The following SOD2 variants were observed in gnomAD, a reference collection of about 807,000 sequenced individuals.
The protein encoded by SOD2 is superoxide dismutase [Mn], mitochondrial.
In SOD2, 11 loss-of-function variants were observed where a neutral mutation model predicts 27.0. The ratio of observed to expected loss-of-function variants is 0.41; its 90% confidence interval spans 0.26 to 0.67. SOD2 has a LOEUF of 0.67. Among genes scored for constraint, SOD2 ranks in the 30% least tolerant of loss-of-function variants. The pLI, the probability that SOD2 is intolerant of heterozygous loss-of-function variation, is 0.34. For missense variants in SOD2, 250 were observed against 274.5 expected, an observed-to-expected ratio of 0.91 and a Z score of 0.63; for synonymous variants, 105 against 103.0, an observed-to-expected ratio of 1.02 and a Z score of -0.12.
chr6:159,729,603 A>C (rs1778442671), upstream of SOD2, among the ~76,000 whole-genome samples: 1 of 152,212 alleles, frequency 6.6e-6, no homozygotes, highest in African/African-American at 2.4e-5. Flanking sequence ...ATTGTGCTGA[A>C]AGCATTAATA....
chr6:159,693,655 CG>C (rs1026560888), upstream of SOD2, among the ~76,000 whole-genome samples: 7 of 152,274 alleles, frequency 4.6e-5, no homozygotes, highest in East Asian at 1.4e-3. Context: ...GTTGCGCTGC[CG>C]GGGGGCCGCG....
chr6:159,731,890 A>G (rs1241708604), upstream of SOD2, among the ~76,000 whole-genome samples: 3 of 152,208 alleles, frequency 2.0e-5, no homozygotes, highest in Non-Finnish European at 4.4e-5. Context: ...ATGCCCTTTA[A>G]AAACAGATTA....
exon 1 of SOD2, chr6:159,761,959 T>A: frequency 9.3e-7 from 1 of 1,080,158 alleles, no homozygotes; most frequent in Non-Finnish European, 1.4e-6. Flanking sequence ...GGGGAGGTGG[T>A]GCGCGGGGAG....
At chr6:159,748,084 A>C, upstream of SOD2, 7 of 1,329,356 alleles carry the variant, frequency 5.3e-6, no homozygotes, top group Non-Finnish European at 7.2e-6. This position sits in a 1 kb window ranked among gnomAD's most constrained non-coding sequence, Gnocchi z 5.6. Flanking sequence ...AGAGGGGAGG[A>C]GCTTAATGAA....
chr6:159,743,738 A>G (rs769679298), intron 1 of SOD2: 1 of 1,613,754 alleles, frequency 6.2e-7, no homozygotes, highest in South Asian at 1.1e-5. Flanking sequence ...CACGCAGGGA[A>G]AACATCCTTG....
chr6:159,744,784 A>T (rs1286283329), intron 1 of SOD2, among the ~76,000 whole-genome samples: 1 of 152,066 alleles, frequency 6.6e-6, no homozygotes, highest in Admixed American at 6.6e-5. Flanking sequence ...CAGTGGTGTA[A>T]TCACACCTCA....
At chr6:159,739,996 G>T (rs563625503) in intron 1 of SOD2, among the ~76,000 whole-genome samples, 74 of 150,920 alleles carry the variant, frequency 4.9e-4, no homozygotes, top group African/African-American at 1.4e-3. Context: ...TCAATGCTGG[G>T]TTTTTTTTTG....
chr6:159,755,765 CTTTTTT>C, intron 1 of SOD2: 307 of 173,112 alleles, frequency 1.8e-3, no homozygotes, highest in East Asian at 4.2e-3. Context: ...TTTTTCTTTT[CTTTTTT>C]TTTTTTTTTT....
At chr6:159,684,693 A>G (rs192512750) in intron 4 of SOD2, among the ~76,000 whole-genome samples, 161 bp downstream of exon 4, 116 of 152,302 alleles carry the variant, frequency 7.6e-4, no homozygotes, top group Admixed American at 1.2e-3. Flanking sequence ...AAATATCAGG[A>G]CTTCTAAAAC....
chr6:159,705,040 T>G (rs1252347482), intron 1 of SOD2, among the ~76,000 whole-genome samples: 30 of 151,940 alleles, frequency 2.0e-4, no homozygotes. Context: ...TCCAGCAAAC[T>G]CCAACAGACC....
chr6:159,718,077 T>C (rs1777957889), intron 1 of SOD2, among the ~76,000 whole-genome samples: 1 of 152,004 alleles, frequency 6.6e-6, no homozygotes, highest in Non-Finnish European at 1.5e-5. Context: ...ACTATAGCCT[T>C]GAACTCCTGG....
rs561023160 is a variant in SOD2, at chr6:159,710,464, G to GA, written c.-116+16664dup. Among the ~76,000 whole-genome samples the GA allele has an allele frequency of 7.2e-5, 11 of 151,968 alleles. 1 individual carries two copies. The South Asian group carries it at 2.3e-3, about 32-fold the overall frequency. On this transcript the variant is annotated intron_variant, in intron 1 of 2. Coordinates refer to the SOD2 transcript ENST00000401980. ...CTCTGTCTCAAAAAAAGAGGAAAAA[G>GA]AAAGACGACAGAGAAGCTGACCAAG...
intron 1 of SOD2, among the ~76,000 whole-genome samples, chr6:159,699,688 C>G (rs533826351): frequency 6.6e-6 from 1 of 152,118 alleles, no homozygotes; most frequent in Non-Finnish European, 1.5e-5. Flanking sequence ...TGCACAGTTC[C>G]AAGAATGACT....
chr6:159,694,574 A>G (rs564583741), upstream of SOD2, among the ~76,000 whole-genome samples: 3 of 152,118 alleles, frequency 2.0e-5, no homozygotes, highest in South Asian at 6.2e-4. Context: ...ACCAGGTTAT[A>G]GATACTCTTA....
At position 159,754,882 on chromosome 6, in the gene SOD2, G is replaced by A; in HGVS notation, c.-336+6155C>T. ...ACTCAGTCATATTTTAAGATTCCAA[G>A]CAAAATTTTTAAATGTAGTGTGATT... On this transcript the variant is annotated intron_variant, in intron 1 of 7. Coordinates refer to the SOD2 transcript ENST00000546087. The A allele has an allele frequency of 7.7e-6, 7 of 914,146 alleles. No homozygotes were observed. The South Asian group carries it at 1.6e-4, about 21-fold the overall frequency. The allele number at this position is 914,146 out of a possible 1,614,324, so 56.6% of individuals were successfully genotyped here. A position where few individuals can be genotyped will look rare whatever the true frequency, so the allele number is the denominator to read the frequency against.
chr6:159,761,469 G>C (rs557354649), exon 1 of SOD2: 4 of 452,954 alleles, frequency 8.8e-6, no homozygotes, highest in African/African-American at 8.0e-5. Flanking sequence ...GGCTCGCACC[G>C]AGACGCTCCT....
chr6:159,747,677 T>G (rs773516687), upstream of SOD2, among the ~76,000 whole-genome samples: 1 of 152,206 alleles, frequency 6.6e-6, no homozygotes, highest in African/African-American at 2.4e-5. Flanking sequence ...GGTAAAAAAT[T>G]AAGCAAACCA....
intron 1 of SOD2, among the ~76,000 whole-genome samples, chr6:159,700,266 T>C (rs1312214782): frequency 6.6e-6 from 1 of 152,162 alleles, no homozygotes; most frequent in Non-Finnish European, 1.5e-5. Context: ...AGAGAATTAA[T>C]GGAAATTAGA....
chr6:159,727,021 G>A, intron 1 of SOD2: 1 of 1,238,032 alleles, frequency 8.1e-7, no homozygotes, highest in Non-Finnish European at 1.0e-6. Flanking sequence ...AGGCAGCCCC[G>A]CAGCCGCAGG....
Sources: gnomAD v4.1 joint callset for allele counts (sites outside exome capture counted in the v4.1 genomes callset) on GRCh38, gnomAD v4.1.1 for gene constraint, Gnocchi (gnomAD v3.1) non-coding constraint, MANE v1.5 for transcripts, NCBI Gene and HGNC (gene_info 2026-07-23, HGNC 2026-07-21) for gene names.